The following CPVL variants were observed in gnomAD, a reference collection of about 807,000 sequenced individuals.
CPVL encodes carboxypeptidase vitellogenic like, also known as probable serine carboxypeptidase CPVL.
A neutral mutation model predicts 63.7 loss-of-function variants in CPVL; 51 were observed. That is an observed-to-expected ratio of 0.80 (90% CI 0.64 to 1.01). The LOEUF (loss-of-function observed/expected upper bound fraction) is 1.01, where lower values mean the gene tolerates loss of function less well. CPVL is among the 50% of genes least tolerant of loss of function. CPVL has a pLI of 0.00. For synonymous variants in CPVL, 195 were observed against 206.0 expected (o/e 0.95, Z 0.46); for missense variants, 530 against 573.1 (o/e 0.92, Z 0.77).
At chr7:29,146,753 T>A (rs896353011), upstream of CPVL, 1 of 1,549,824 alleles carries the variant, frequency 6.5e-7, no homozygotes. Context: ...CAGGTTGGTT[T>A]GTCCCTTTGT....
At chr7:29,188,060 G>T (rs1405911217) in intron 1 of CPVL, among the ~76,000 whole-genome samples, 1 of 151,624 alleles carries the variant, frequency 6.6e-6, no homozygotes, top group East Asian at 1.9e-4. Context: ...GATGTAACAG[G>T]GGGGTGGTAG....
At chr7:29,037,109 CTT>C (rs1344762646) in intron 11 of CPVL, among the ~76,000 whole-genome samples, 1 of 152,170 alleles carries the variant, frequency 6.6e-6, no homozygotes, top group Non-Finnish European at 1.5e-5. Flanking sequence ...AAGTGTGACT[CTT>C]TGACATTAAG....
At chr7:29,098,994 G>C (rs1042794724) in intron 3 of CPVL, among the ~76,000 whole-genome samples, 3 of 152,144 alleles carry the variant, frequency 2.0e-5, no homozygotes, top group African/African-American at 7.2e-5. Context: ...GAACCCAGGA[G>C]GCGGTCATTG....
At chr7:29,140,735 C>T (rs531320031) in intron 1 of CPVL, among the ~76,000 whole-genome samples, 26 of 152,276 alleles carry the variant, frequency 1.7e-4, no homozygotes, top group South Asian at 1.7e-3. Flanking sequence ...CTATCGCACC[C>T]TCTCTCCAAA....
At chr7:29,143,695 G>C (rs1039231623) in intron 1 of CPVL, among the ~76,000 whole-genome samples, 12 of 152,128 alleles carry the variant, frequency 7.9e-5, no homozygotes, top group African/African-American at 2.7e-4. Flanking sequence ...CCAATAACTA[G>C]AATCAGACTA....
intron 12 of CPVL, among the ~76,000 whole-genome samples, chr7:29,026,176 AC>A (rs1787473228): frequency 6.6e-6 from 1 of 152,214 alleles, no homozygotes; most frequent in Admixed American, 6.5e-5. Flanking sequence ...AACTTTGGAA[AC>A]TGTATAAACA....
At chr7:29,097,063 G>C (rs901970693) in intron 3 of CPVL, among the ~76,000 whole-genome samples, 3 of 151,752 alleles carry the variant, frequency 2.0e-5, no homozygotes, top group Admixed American at 2.0e-4. Context: ...GAAAAATGAG[G>C]AGGAGCAGAC....
chr7:29,143,227 C>T (rs1792089451), intron 1 of CPVL, among the ~76,000 whole-genome samples: 1 of 152,234 alleles, frequency 6.6e-6, no homozygotes, highest in Non-Finnish European at 1.5e-5. Flanking sequence ...TTAGCCTATG[C>T]TCCGCCAAAT....
chr7:29,163,346 A>G (rs1216671538), intron 5 of CPVL, among the ~76,000 whole-genome samples: 4 of 152,126 alleles, frequency 2.6e-5, no homozygotes, highest in Admixed American at 6.5e-5. Context: ...ATATTGAATT[A>G]AGTAAAATAT....
chr7:29,040,470 T>C lies in CPVL; in HGVS notation c.1138-9711A>G, dbSNP rs190168900. Among the ~76,000 whole-genome samples, 636 of 152,320 alleles carry C rather than the reference T, an allele frequency of 4.2e-3. 7 individuals carry two copies. Among genetic ancestry groups the C allele is most frequent in the African/African-American group, 0.014 (599 of 41,582 alleles). ...CCATCACTCTCACTGTTGGCCATAC[T>C]TCTTCCTGGTAATTGTGCAGAGTCT... On this transcript the variant is annotated intron_variant, in intron 11 of 12. Coordinates refer to ENST00000265394, the MANE Select transcript of CPVL (RefSeq NM_031311.5).
intron 9 of CPVL, among the ~76,000 whole-genome samples, chr7:29,069,924 C>T (rs186504308): frequency 2.0e-5 from 3 of 152,170 alleles, no homozygotes; most frequent in Non-Finnish European, 2.9e-5. Context: ...TTTAAAGGAT[C>T]AGAGCGTCAA....
intron 1 of CPVL, among the ~76,000 whole-genome samples, chr7:29,136,292 G>C (rs192283616): frequency 6.6e-6 from 1 of 152,262 alleles, no homozygotes; most frequent in African/African-American, 2.4e-5. Flanking sequence ...AATCCAAAGA[G>C]GAAATTTTTA....
At chr7:29,014,454 C>A (rs1786192139) in intron 12 of CPVL, among the ~76,000 whole-genome samples, 1 of 152,250 alleles carries the variant, frequency 6.6e-6, no homozygotes, top group South Asian at 2.1e-4. Context: ...ATCTCAGCTT[C>A]CCAAGTAGCT....
chr7:29,036,158 C>T (rs945911978), intron 11 of CPVL, among the ~76,000 whole-genome samples: 2 of 152,164 alleles, frequency 1.3e-5, no homozygotes, highest in Non-Finnish European at 2.9e-5. Flanking sequence ...ACTCATACAC[C>T]TTCGGACCAG....
intron 11 of CPVL, among the ~76,000 whole-genome samples, chr7:29,054,970 T>A (rs577552870): frequency 1.6e-3 from 245 of 152,350 alleles, no homozygotes; most frequent in Non-Finnish European, 3.0e-3. Context: ...CAAATTTGCC[T>A]AGCCATATTT....
intron 7 of CPVL, among the ~76,000 whole-genome samples, chr7:29,077,300 GA>G (rs113964909): frequency 0.24 from 35,243 of 149,614 alleles, 5,727 homozygotes; most frequent in African/African-American, 0.47. Flanking sequence ...AAGTTTAGTA[GA>G]AAAAAAAAAT....
chr7:29,112,411 A>C (rs566668385), intron 3 of CPVL, among the ~76,000 whole-genome samples: 11 of 152,150 alleles, frequency 7.2e-5, no homozygotes, highest in South Asian at 6.2e-4. Flanking sequence ...AATACAACAA[A>C]ATGATAGGAA....
At chr7:29,141,127 A>C (rs1296207375) in intron 1 of CPVL, among the ~76,000 whole-genome samples, 3 of 152,190 alleles carry the variant, frequency 2.0e-5, no homozygotes, top group African/African-American at 7.2e-5. Flanking sequence ...TTCCCTGCTG[A>C]TCACCTTCTC....
chr7:29,139,991 G>A (rs926522951), intron 1 of CPVL, among the ~76,000 whole-genome samples: 2 of 152,138 alleles, frequency 1.3e-5, no homozygotes, highest in African/African-American at 4.8e-5. Flanking sequence ...CCCACGGTCT[G>A]CACATGACTC....
Sources: allele counts gnomAD v4.1 joint callset (sites outside exome capture counted in the v4.1 genomes callset), GRCh38; gene constraint gnomAD v4.1.1; transcripts MANE v1.5; gene names NCBI Gene and HGNC (gene_info 2026-07-23, HGNC 2026-07-21).